Variants in FAT1 observed in about 807,000 individuals in gnomAD.
FAT1 encodes the protein protocadherin Fat 1.
In FAT1, 171 loss-of-function variants were observed where a neutral mutation model predicts 329.8. That is an observed-to-expected ratio of 0.52 (90% CI 0.46 to 0.59). FAT1 has a LOEUF of 0.59. Ranked by LOEUF, FAT1 falls within the 20% of genes least tolerant of loss-of-function variation. The probability of loss-of-function intolerance (pLI) is 0.00; values close to 1 mark genes in which losing one functional copy is unlikely to be tolerated. For missense variants in FAT1, 5,672 were observed against 5,774.4 expected, an observed-to-expected ratio of 0.98 and a Z score of 0.57; for synonymous variants, 2,233 against 2,228.6, an observed-to-expected ratio of 1.00 and a Z score of -0.06.
At chr4:186,592,053 C>T (rs1239418360) in intron 26 of FAT1, among the ~76,000 whole-genome samples, 1 of 152,162 alleles carries the variant, frequency 6.6e-6, no homozygotes, top group African/African-American at 2.4e-5. Context: ...CTTTTAACAG[C>T]CCTCCAGATG....
intron 11 of FAT1, among the ~76,000 whole-genome samples, chr4:186,615,146 T>C (rs1285378935): frequency 1.3e-5 from 2 of 152,058 alleles, no homozygotes; most frequent in African/African-American, 2.4e-5. Context: ...CCCAGTCTTA[T>C]TCCTGAAGAT....
At chr4:186,673,896 T>G (rs988083486) in intron 2 of FAT1, among the ~76,000 whole-genome samples, 4 of 152,198 alleles carry the variant, frequency 2.6e-5, no homozygotes, top group Non-Finnish European at 5.9e-5. Flanking sequence ...ACGGCTTTTG[T>G]GGATAAGCTC....
chr4:186,588,856 A>G lies in FAT1; in HGVS notation c.13503T>C (p.Pro4501=), dbSNP rs1298154656. 6.2e-7 allele frequency: 1 copy of G among 1,613,960 alleles called. No homozygotes were observed. Among genetic ancestry groups the G allele is most frequent in the South Asian group, 1.1e-5 (1 of 91,084 alleles). The change falls in exon 27 of 27, where the codon CCT becomes CCC. Residue 4501 remains proline (P), a synonymous_variant. Transcript: ENST00000441802. ...PNFYPLDMSE[P]QTKGTGENST... is the part of the protein sequence containing the mutation. The stretch of plus-strand genomic sequence containing the variant: ...TATTCTCACCAGTGCCTTTTGTTTG[A>G]GGTTCAGACATATCGAGGGGATAAA...
At chr4:186,666,404 C>G (rs1191278600) in intron 2 of FAT1, among the ~76,000 whole-genome samples, 1 of 152,158 alleles carries the variant, frequency 6.6e-6, no homozygotes, top group Non-Finnish European at 1.5e-5. Context: ...TCCTCTGATT[C>G]ATCACATCTA....
In FAT1 at chr4:186,603,351, G is replaced by T. The variant is rs2126426774; in HGVS notation, c.11175C>A (p.Ile3725=). ...INSSVTDIEE[I]IGVRILNVFQ... ...ATACATTCAGTATCCTAACTCCAAT[G>T]ATTTCCTCAATGTCAGTCACGGAAG... Residue 3725 remains isoleucine (I), a synonymous_variant, in exon 19 of 27, where the codon ATC becomes ATA. Coordinates refer to ENST00000441802, the MANE Select transcript of FAT1 (RefSeq NM_005245.4). 1 of 1,613,980 alleles carries T rather than the reference G, an allele frequency of 6.2e-7. No individual in the cohort carries two copies. Among genetic ancestry groups the T allele is most frequent in the Admixed American group, 1.7e-5 (1 of 60,026 alleles).
intron 1 of FAT1, among the ~76,000 whole-genome samples, chr4:186,718,174 G>C (rs912246103): frequency 5.9e-5 from 9 of 152,094 alleles, no homozygotes; most frequent in African/African-American, 2.2e-4. Context: ...AATCTTCAGG[G>C]AGAAAAGTCC....
rs2126698003 is a variant in FAT1 at position 186,708,648 on chromosome 4, C to T, written c.1180G>A (p.Ala394Thr). Residue 394 changes from alanine to threonine, a missense_variant, in exon 2 of 27, where the codon GCT (alanine) becomes ACT (threonine). Physicochemically the swap from Ala to Thr is moderately conservative, Grantham distance 58. Transcript: ENST00000441802. The stretch of plus-strand genomic sequence containing the variant: ...AAAACATACCTCAAATGGGAATAAG[C>T]AGGAATGGCCTTTACCATGACCACA... ...TPVVMVKAIP[A>T]YSHLRYVFKS... The T allele has an allele frequency of 1.9e-6, 3 of 1,613,888 alleles. No individual in the cohort carries two copies. The highest frequency in any genetic ancestry group is 2.5e-6 in the Non-Finnish European group (3 of 1,179,888).
rs1331553677 is a variant in FAT1 at position 186,603,272 on chromosome 4, C to A, written c.11254G>T (p.Val3752Leu). ...DCPWKFCDEK[V>L]SVDESVMSTH... ...GACATCACACTTTCATCCACAGACA[C>A]CTTTTCATCGCAGAACTTCCAGGGG... The change falls in exon 19 of 27, where the codon GTG (valine) becomes TTG (leucine). Residue 3752 changes from valine to leucine, a missense_variant. Physicochemically the swap from Val to Leu is conservative, Grantham distance 32. Around this residue, in one of 2 missense-constraint regions of FAT1, gnomAD observed 1,706 missense variants for 1,859.1 expected, o/e 0.92. Coordinates refer to ENST00000441802, the MANE Select transcript of FAT1 (RefSeq NM_005245.4). 3.1e-6 allele frequency: 5 copies of A among 1,613,924 alleles called. No homozygotes were observed. The highest frequency in any genetic ancestry group is 1.7e-6 in the Non-Finnish European group (2 of 1,179,860).
Position 186,708,243 on chromosome 4 carries a change from G to T in FAT1, c.1585C>A (p.Leu529Met). 1.2e-6 allele frequency: 2 copies of T among 1,613,988 alleles called. No individual in the cohort carries two copies. The highest frequency in any genetic ancestry group is 1.7e-6 in the Non-Finnish European group (2 of 1,179,886). ...VSTSENLDYE[L>M]MPRVYTLRIR... Reference sequence around the variant, plus strand: ...CTCAGAGTATAAACCCGAGGCATCAGTTCGTAGTCCAGGTTTTCTGACGTA... The same window carrying T: ...CTCAGAGTATAAACCCGAGGCATCATTTCGTAGTCCAGGTTTTCTGACGTA... The change falls in exon 2 of 27, where the codon CTG becomes ATG. Residue 529 changes from leucine to methionine, a missense_variant. Around this residue, in one of 2 missense-constraint regions of FAT1, gnomAD observed 3,966 missense variants for 3,915.2 expected, o/e 1.01. Transcript: ENST00000441802.
At position 186,601,569 on chromosome 4, in the gene FAT1, G is replaced by A. The variant is rs115778035; in HGVS notation, c.11483-143C>T. The stretch of plus-strand genomic sequence containing the variant: ...TTACTATCCAATTCTGTGGGAAAAC[G>A]TCTATTTGCTTAATGAAAAGCCCAG... On this transcript the variant is annotated intron_variant, in intron 20 of 26. Coordinates refer to ENST00000441802, the MANE Select transcript of FAT1 (RefSeq NM_005245.4). The A allele has an allele frequency of 3.0e-3, 1,717 of 568,436 alleles. 25 individuals are homozygous for A. The highest frequency in any genetic ancestry group is 0.028 in the African/African-American group (1,512 of 54,668). 35.2% of individuals were successfully genotyped at this position (568,436 alleles called of 1,614,324 possible). A position where few individuals can be genotyped will look rare whatever the true frequency, so the allele number is the denominator to read the frequency against.
chr4:186,683,475 T>A (rs1157514786), intron 2 of FAT1, among the ~76,000 whole-genome samples: 1 of 152,192 alleles, frequency 6.6e-6, no homozygotes, highest in Non-Finnish European at 1.5e-5. Context: ...AACTACCAGA[T>A]GAATGAATGC....
chr4:186,613,410 C>CT, intron 12 of FAT1, 68 bp from the exon 13 acceptor site: 1 of 1,210,102 alleles, frequency 8.3e-7, no homozygotes, highest in South Asian at 1.2e-5. Flanking sequence ...ATCTTATTTC[C>CT]TCCCCTTTTG....
intron 3 of FAT1, among the ~76,000 whole-genome samples, chr4:186,660,524 A>G (rs1055857877): frequency 1.6e-4 from 24 of 152,274 alleles, no homozygotes; most frequent in African/African-American, 5.5e-4. Flanking sequence ...ATCCTCCACT[A>G]TTACCTGACT....
intron 1 of FAT1, among the ~76,000 whole-genome samples, chr4:186,719,115 C>G (rs1041731980): frequency 3.9e-5 from 6 of 152,200 alleles, no homozygotes; most frequent in Non-Finnish European, 8.8e-5. Context: ...TCTGGCATTA[C>G]AAACTTGTCT....
At chr4:186,631,139 G>A (rs183892303) in intron 7 of FAT1, among the ~76,000 whole-genome samples, 6 of 152,226 alleles carry the variant, frequency 3.9e-5, no homozygotes, top group African/African-American at 1.4e-4. Context: ...CCCTGACCTG[G>A]ATACACAATG....
chr4:186,637,021 A>G, intron 4 of FAT1, 107 bp from the exon 5 acceptor site: 1 of 1,005,096 alleles, frequency 9.9e-7, no homozygotes, highest in East Asian at 2.5e-5. Context: ...TGCATTTTGC[A>G]GGGCACGATG....
rs534575628 is a variant in FAT1, at chr4:186,701,702, A to G, written c.3265+4861T>C. ...TCCTCCACATTCCTTCTCCTGTCACAGGAGGACGTGCAGCAGGAGCAGGGA... is the reference window on the plus strand; with the variant it reads ...TCCTCCACATTCCTTCTCCTGTCACGGGAGGACGTGCAGCAGGAGCAGGGA... On this transcript the variant is annotated intron_variant, in intron 2 of 26. Coordinates refer to ENST00000441802, the MANE Select transcript of FAT1 (RefSeq NM_005245.4). 2.6e-5 allele frequency among the ~76,000 whole-genome samples: 4 copies of G among 152,316 alleles called. No homozygotes were observed. In the East Asian group the frequency reaches 5.8e-4, roughly 22 times the overall value.
At chr4:186,671,998 G>A (rs1024794541) in intron 2 of FAT1, among the ~76,000 whole-genome samples, 3 of 152,136 alleles carry the variant, frequency 2.0e-5, no homozygotes, top group African/African-American at 7.2e-5. Flanking sequence ...AATGACACAG[G>A]AAATGCTCTC....
intron 3 of FAT1, among the ~76,000 whole-genome samples, chr4:186,653,026 G>A (rs1021547715): frequency 1.3e-5 from 2 of 152,018 alleles, no homozygotes; most frequent in Non-Finnish European, 2.9e-5. Flanking sequence ...GTAAAGAAGC[G>A]AATAAAAAAC....
Sources: gnomAD v4.1 joint callset for allele counts (sites outside exome capture counted in the v4.1 genomes callset) on GRCh38, gnomAD v4.1.1 for gene constraint, gnomAD v4.1.1 regional missense constraint, MANE v1.5 for transcripts, NCBI Gene and HGNC (gene_info 2026-07-23, HGNC 2026-07-21) for gene names.